MCTP1: variants seen among roughly 807,000 people sequenced by gnomAD.
MCTP1 encodes the protein multiple C2 and transmembrane domain-containing protein 1.
Under a neutral mutation model 120.6 loss-of-function variants are expected in MCTP1, and 69 were observed. The observed-to-expected ratio is 0.57, with a 90% CI of 0.47 to 0.70. The LOEUF (loss-of-function observed/expected upper bound fraction) is 0.70. Among genes scored for constraint, MCTP1 ranks in the 30% least tolerant of loss-of-function variants. MCTP1 has a pLI of 0.00. For synonymous variants in MCTP1, 529 were observed against 493.1 expected (o/e 1.07, Z -0.96); for missense variants, 1,203 against 1,248.8 (o/e 0.96, Z 0.55).
At chr5:95,019,013 A>G (rs1477675381) in intron 1 of MCTP1, among the ~76,000 whole-genome samples, 1 of 152,060 alleles carries the variant, frequency 6.6e-6, no homozygotes, top group East Asian at 1.9e-4. Context: ...TTGGGCTTTC[A>G]GTTTTCACTA....
At chr5:94,850,812 C>A (rs159598) in intron 17 of MCTP1, among the ~76,000 whole-genome samples, 134,771 of 152,092 alleles carry the variant, frequency 0.89, 59,893 homozygotes, top group East Asian at 0.98. Context: ...TAATACTGAT[C>A]ATTTTAATTG....
At chr5:94,778,285 A>G (rs986615294) in intron 19 of MCTP1, among the ~76,000 whole-genome samples, 10 of 152,012 alleles carry the variant, frequency 6.6e-5, no homozygotes, top group Admixed American at 3.9e-4. Context: ...ATAACTAACG[A>G]TTTTCTCTCC....
At chr5:95,041,162 CACA>C (rs1188410398) in intron 1 of MCTP1, among the ~76,000 whole-genome samples, 4 of 151,522 alleles carry the variant, frequency 2.6e-5, no homozygotes, top group Admixed American at 6.6e-5. Flanking sequence ...AATTGTTTCA[CACA>C]ACAAACCTAA....
At chr5:95,034,522 T>C (rs1233506288) in intron 1 of MCTP1, among the ~76,000 whole-genome samples, 3 of 152,002 alleles carry the variant, frequency 2.0e-5, no homozygotes, top group Non-Finnish European at 4.4e-5. Context: ...GCTAGCCACA[T>C]ACAGAAGAAT....
chr5:94,994,071 C>T (rs902435808), intron 2 of MCTP1, among the ~76,000 whole-genome samples: 3 of 152,166 alleles, frequency 2.0e-5, no homozygotes, highest in Non-Finnish European at 4.4e-5. Flanking sequence ...CTATGACCAA[C>T]AAACTACCAG....
At chr5:94,765,708 G>GAAAAAAAAAAAAAAAAAACAAAAAAAAA (rs70978128) in intron 19 of MCTP1, among the ~76,000 whole-genome samples, 1 of 109,116 alleles carries the variant, frequency 9.2e-6, no homozygotes. Context: ...TCTCAAAAAA[G>GAAAAAAAAAAAAAAAAAACAAAAAAAAA]AAAAAAAAAA....
intron 2 of MCTP1, among the ~76,000 whole-genome samples, chr5:95,002,042 G>A (rs1469335178): frequency 6.6e-6 from 1 of 152,182 alleles, no homozygotes; most frequent in Non-Finnish European, 1.5e-5. Context: ...TGGCTACAAG[G>A]GGCCAAGGTA....
chr5:95,092,891 A>T (rs1457417941), intron 1 of MCTP1, among the ~76,000 whole-genome samples: 1 of 152,184 alleles, frequency 6.6e-6, no homozygotes, highest in Non-Finnish European at 1.5e-5. Flanking sequence ...GAATCTTAGG[A>T]GTATGCTTCA....
At position 95,136,483 on chromosome 5, in the gene MCTP1, C is replaced by T. The variant is rs117164414; in HGVS notation, c.721-118999G>A. 1.2e-3 allele frequency among the ~76,000 whole-genome samples: 189 copies of T among 151,708 alleles called. 2 individuals are homozygous for T. In the East Asian group the frequency reaches 0.03, roughly 24 times the overall value. Reference sequence around the variant, plus strand: ...GGGAGAGGAGAAGGAAGATGGAAAACGGGAAGCTGGAGACAGAGATGAAGT... The same window carrying T: ...GGGAGAGGAGAAGGAAGATGGAAAATGGGAAGCTGGAGACAGAGATGAAGT... On this transcript the variant is annotated intron_variant, in intron 1 of 22. Transcript: ENST00000515393.
At chr5:95,014,961 G>A (rs1379184270) in intron 2 of MCTP1, among the ~76,000 whole-genome samples, 2 of 152,058 alleles carry the variant, frequency 1.3e-5, no homozygotes, top group Non-Finnish European at 2.9e-5. Context: ...CATCAACATC[G>A]AGGCAAGACC....
intron 8 of MCTP1, 73 bp downstream of exon 8, chr5:94,917,823 G>C (rs1211621311): frequency 8.4e-7 from 1 of 1,192,100 alleles, no homozygotes; most frequent in Non-Finnish European, 1.2e-6. Flanking sequence ...TTTCAGTACA[G>C]TAAGTTGGCT....
At chr5:94,806,136 C>T (rs1405113478) in intron 17 of MCTP1, among the ~76,000 whole-genome samples, 1 of 151,852 alleles carries the variant, frequency 6.6e-6, no homozygotes, top group South Asian at 2.1e-4. Context: ...CACCATCTTA[C>T]ACGACTCTGA....
intron 1 of MCTP1, among the ~76,000 whole-genome samples, chr5:95,167,595 G>A (rs1486749138): frequency 3.9e-5 from 6 of 152,234 alleles, no homozygotes; most frequent in African/African-American, 7.2e-5. Flanking sequence ...CTTAATGATC[G>A]CCATTCTAAC....
chr5:95,181,233 C>G lies in MCTP1; in HGVS notation c.720+102623G>C, dbSNP rs551890258. Among the ~76,000 whole-genome samples the G allele has an allele frequency of 2.2e-4, 34 of 152,322 alleles. 1 individual carries two copies. Among genetic ancestry groups the G allele is most frequent in the African/African-American group, 7.9e-4 (33 of 41,572 alleles). On this transcript the variant is annotated intron_variant, in intron 1 of 22. Coordinates refer to ENST00000515393, the MANE Select transcript of MCTP1 (RefSeq NM_024717.7). ...CAAAGTATAAAATCCAAACTCTTTA[C>G]CACAGCCTACAAGGGCTCCTGTGAT...
At chr5:95,035,307 A>G (rs1228074516) in intron 1 of MCTP1, among the ~76,000 whole-genome samples, 1 of 152,102 alleles carries the variant, frequency 6.6e-6, no homozygotes, top group Non-Finnish European at 1.5e-5. Context: ...TAGCAAAGGC[A>G]TGGAATCAAC....
intron 10 of MCTP1, among the ~76,000 whole-genome samples, chr5:94,897,654 T>A (rs1804414756): frequency 6.6e-6 from 1 of 152,178 alleles, no homozygotes; most frequent in Non-Finnish European, 1.5e-5. Context: ...CATGAGCCAC[T>A]GCACCCAGCC....
chr5:94,709,964 G>GT (rs1483715311), intron 21 of MCTP1: 8 of 152,092 alleles, frequency 5.3e-5, no homozygotes, highest in Admixed American at 1.3e-4. Flanking sequence ...TGCTTTCAGT[G>GT]TAAGCACATG....
intron 1 of MCTP1, among the ~76,000 whole-genome samples, chr5:95,276,869 G>A (rs1029737101): frequency 4.6e-5 from 7 of 151,940 alleles, no homozygotes; most frequent in East Asian, 2.0e-4. Context: ...GGAGAATGGC[G>A]TGAACCCAGG....
At chr5:95,136,712 C>T (rs9314130) in intron 1 of MCTP1, among the ~76,000 whole-genome samples, 2,868 of 152,232 alleles carry the variant, frequency 0.019, 82 homozygotes, top group African/African-American at 0.062. Flanking sequence ...CCCTATTTTA[C>T]GGATGAAGAA....
Sources: allele counts gnomAD v4.1 joint callset (sites outside exome capture counted in the v4.1 genomes callset), GRCh38; gene constraint gnomAD v4.1.1; transcripts MANE v1.5; gene names NCBI Gene and HGNC (gene_info 2026-07-23, HGNC 2026-07-21).